The following CYP2J2 variants were observed in gnomAD, a reference collection of about 807,000 sequenced individuals.
The protein encoded by CYP2J2 is cytochrome P450 2J2.
CYP2J2 carries 41 observed loss-of-function variants against 48.8 expected under a neutral mutation model. The ratio of observed to expected loss-of-function variants is 0.84; its 90% CI spans 0.66 to 1.09. The LOEUF (loss-of-function observed/expected upper bound fraction) is 1.09. Among genes scored for constraint, CYP2J2 ranks in the 50% least tolerant of loss-of-function variants. CYP2J2 has a pLI of 0.00. For missense variants in CYP2J2, 644 were observed against 617.3 expected (o/e 1.04, Z -0.46); for synonymous variants, 221 against 227.1 (o/e 0.97, Z 0.24).
upstream of CYP2J2, chr1:59,926,866 C>G (rs1644571264): frequency 1.1e-6 from 1 of 894,666 alleles, no homozygotes; most frequent in African/African-American, 1.7e-5. Context: ...CTTCGCAGCA[C>G]CCTGCGAAGA....
upstream of CYP2J2, chr1:59,926,810 C>A: frequency 6.9e-7 from 1 of 1,441,534 alleles, no homozygotes; most frequent in Non-Finnish European, 9.5e-7. Flanking sequence ...GGCGACGGTC[C>A]CCGCCCCGCC....
At chr1:59,953,789 T>C in the CYP2J2 span, among the ~76,000 whole-genome samples, 30 of 152,124 alleles carry the variant, frequency 2.0e-4, no homozygotes, top group Non-Finnish European at 3.7e-4. Flanking sequence ...TAGTGTGGAG[T>C]ACAGTCCAAA....
At chr1:59,932,875 A>G in the CYP2J2 span, among the ~76,000 whole-genome samples, 11 of 151,934 alleles carry the variant, frequency 7.2e-5, no homozygotes, top group Non-Finnish European at 2.9e-5. Context: ...TAATTTCTGT[A>G]TTTTTAGTAG....
chr1:59,965,815 C>G, the CYP2J2 span, among the ~76,000 whole-genome samples: 1 of 152,098 alleles, frequency 6.6e-6, no homozygotes, highest in East Asian at 1.9e-4. Flanking sequence ...CCGTGCCCAG[C>G]TAATTTTTGT....
chr1:59,937,478 T>C, the CYP2J2 span, among the ~76,000 whole-genome samples: 2 of 152,082 alleles, frequency 1.3e-5, no homozygotes, highest in Admixed American at 6.5e-5. Context: ...GTGTTAGCCA[T>C]AGGCTGTGTG....
At chr1:59,931,947 C>T in the CYP2J2 span, among the ~76,000 whole-genome samples, 1 of 152,116 alleles carries the variant, frequency 6.6e-6, no homozygotes, top group Admixed American at 6.5e-5. Flanking sequence ...AACATAGATA[C>T]ATTGTTTGAC....
intron 1 of CYP2J2, 68 bp downstream of exon 1, chr1:59,926,469 G>A (rs893893918): frequency 9.2e-6 from 13 of 1,409,606 alleles, no homozygotes; most frequent in South Asian, 2.3e-5. Flanking sequence ...CCACGTTGCC[G>A]GAACGTCCCT....
chr1:59,932,247 C>A, the CYP2J2 span, among the ~76,000 whole-genome samples: 12 of 152,006 alleles, frequency 7.9e-5, no homozygotes, highest in African/African-American at 1.7e-4. Context: ...GGAAAAAAAT[C>A]ATTACTTTTA....
chr1:59,899,497 A>C (rs909196755), intron 8 of CYP2J2, among the ~76,000 whole-genome samples: 4 of 152,190 alleles, frequency 2.6e-5, no homozygotes, highest in Non-Finnish European at 5.9e-5. Context: ...CCTCAGTGTC[A>C]TTCTCAGCAA....
At chr1:59,930,005 T>C (rs1644595459), upstream of CYP2J2, among the ~76,000 whole-genome samples, 1 of 152,136 alleles carries the variant, frequency 6.6e-6, no homozygotes, top group Non-Finnish European at 1.5e-5. Context: ...GAGGAAATCC[T>C]GCAAGCAGCA....
chr1:59,953,506 A>ATGTGTG, the CYP2J2 span, among the ~76,000 whole-genome samples: 38 of 150,452 alleles, frequency 2.5e-4, no homozygotes, highest in African/African-American at 8.5e-4. Context: ...CAGTGTGTAT[A>ATGTGTG]TGTGTGTGTG....
chr1:59,960,880 A>G, the CYP2J2 span, among the ~76,000 whole-genome samples: 1 of 152,164 alleles, frequency 6.6e-6, no homozygotes, highest in Non-Finnish European at 1.5e-5. Context: ...CCAAAGTGCC[A>G]AGACAATTCA....
intron 2 of CYP2J2, chr1:59,913,349 A>G (rs1397396543): frequency 6.6e-6 from 1 of 152,112 alleles, no homozygotes; most frequent in African/African-American, 2.4e-5. Context: ...ATTTTAAATA[A>G]CATCTATTGA....
chr1:59,965,486 TCTA>T, the CYP2J2 span, among the ~76,000 whole-genome samples: 267 of 152,314 alleles, frequency 1.8e-3, 2 homozygotes, highest in African/African-American at 6.0e-3. Flanking sequence ...TGTGTTGTCA[TCTA>T]CTGTCAGAGT....
At chr1:59,918,406 C>T (rs1001105638) in intron 1 of CYP2J2, among the ~76,000 whole-genome samples, 7 of 152,096 alleles carry the variant, frequency 4.6e-5, no homozygotes, top group Non-Finnish European at 8.8e-5. Context: ...AATAAACTTC[C>T]TAAGAATTTT....
At chr1:59,941,098 G>C in the CYP2J2 span, among the ~76,000 whole-genome samples, 6 of 152,322 alleles carry the variant, frequency 3.9e-5, no homozygotes, top group East Asian at 1.2e-3. Context: ...GGTAACTATA[G>C]TTAACAACAA....
chr1:59,938,204 T>C, the CYP2J2 span, among the ~76,000 whole-genome samples: 2 of 152,092 alleles, frequency 1.3e-5, no homozygotes, highest in Admixed American at 1.3e-4. Flanking sequence ...TCTCATCAGG[T>C]GGGACGAGAG....
At chr1:59,926,837 C>T (rs1484464145), upstream of CYP2J2, 1 of 1,237,602 alleles carries the variant, frequency 8.1e-7, no homozygotes, top group Non-Finnish European at 1.1e-6. Context: ...CCAGCCGTGC[C>T]CCGCCTCCCA....
At chr1:59,957,688 ACACACACACACACAC>A in the CYP2J2 span, among the ~76,000 whole-genome samples, 5 of 149,296 alleles carry the variant, frequency 3.3e-5, no homozygotes, top group African/African-American at 1.2e-4. Context: ...ACAGACACAC[ACACACACACACACAC>A]CACACACACA....
Sources: gnomAD v4.1 joint callset for allele counts (sites outside exome capture counted in the v4.1 genomes callset) on GRCh38, gnomAD v4.1.1 for gene constraint, MANE v1.5 for transcripts, NCBI Gene and HGNC (gene_info 2026-07-23, HGNC 2026-07-21) for gene names.